The following CASP8 variants were observed in gnomAD, a reference collection of about 807,000 sequenced individuals.
The protein encoded by CASP8 is caspase 8.
CASP8 carries 24 observed loss-of-function variants against 46.3 expected under a neutral mutation model. The observed-to-expected ratio is 0.52, with a 90% CI of 0.38 to 0.73. CASP8 has a LOEUF of 0.73. Ranked by LOEUF, CASP8 falls within the 30% of genes least tolerant of loss-of-function variation. The pLI, the probability that CASP8 is intolerant of heterozygous loss-of-function variation, is 0.00. For synonymous variants in CASP8, 188 were observed against 200.4 expected, an observed-to-expected ratio of 0.94 and a Z score of 0.52; for missense variants, 460 against 559.0, an observed-to-expected ratio of 0.82 and a Z score of 1.79.
At chr2:201,279,415 A>G (rs1948856473) in intron 7 of CASP8, among the ~76,000 whole-genome samples, 1 of 152,224 alleles carries the variant, frequency 6.6e-6, no homozygotes, top group South Asian at 2.1e-4. Flanking sequence ...GTTCCAAGAC[A>G]CTGGCAGCAG....
At chr2:201,239,801 T>G (rs1559328041) in intron 2 of CASP8, among the ~76,000 whole-genome samples, 1 of 152,208 alleles carries the variant, frequency 6.6e-6, no homozygotes, top group African/African-American at 2.4e-5. Context: ...AAGCTCACAC[T>G]GCACCGTAAT....
At chr2:201,260,934 A>T (rs1947343515) in intron 1 of CASP8, among the ~76,000 whole-genome samples, 1 of 152,188 alleles carries the variant, frequency 6.6e-6, no homozygotes, top group African/African-American at 2.4e-5. Flanking sequence ...AAACTTGTGA[A>T]ATAATAGAAG....
In CASP8 at chr2:201,286,662, C is replaced by G; in HGVS notation, c.*68C>G. 2 of 1,406,334 alleles carry G rather than the reference C, an allele frequency of 1.4e-6. No homozygotes were observed. Among genetic ancestry groups the G allele is most frequent in the Middle Eastern group, 3.8e-4 (2 of 5,214 alleles). The allele number at this position is 1,406,334 out of a possible 1,614,324, so 87.1% of individuals were successfully genotyped here. On this transcript the variant is annotated 3_prime_UTR_variant, in exon 9 of 9. Coordinates refer to ENST00000673742, the MANE Select transcript of CASP8 (RefSeq NM_001372051.1). Reference sequence around the variant, plus strand: ...ACAGAATCTCGCTCTGTCGCCCAGGCTGGAGTGCAGTGGCGTGATCTCGGC... The same window carrying G: ...ACAGAATCTCGCTCTGTCGCCCAGGGTGGAGTGCAGTGGCGTGATCTCGGC...
intron 7 of CASP8, chr2:201,277,613 T>A (rs1466934961): frequency 2.8e-6 from 1 of 355,624 alleles, no homozygotes; most frequent in East Asian, 1.1e-4. Context: ...TAACATCAAT[T>A]ATTGATTTGT....
At position 201,285,141 on chromosome 2, in the gene CASP8, G is replaced by A. The variant is rs549753655; in HGVS notation, c.1128G>A (p.Glu376=). The A allele has an allele frequency of 1.2e-6, 2 of 1,614,164 alleles. No individual in the cohort carries two copies. The highest frequency in any genetic ancestry group is 3.3e-5 in the Admixed American group (2 of 60,020). The change falls in exon 8 of 9, where the codon GAG becomes GAA. Residue 376 remains glutamate (E), a synonymous_variant. Coordinates refer to ENST00000673742, the MANE Select transcript of CASP8 (RefSeq NM_001372051.1). ...QKGIPVETDS[E]EQPYLEMDLS... ...GTATACCTGTTGAGACTGATTCAGA[G>A]GAGCAACCCTATTTAGAAATGGATT...
At chr2:201,285,436 T>C (rs1949511814) in intron 8 of CASP8, 119 bp downstream of exon 8, 3 of 1,263,524 alleles carry the variant, frequency 2.4e-6, no homozygotes, top group Admixed American at 1.7e-5. Context: ...TTAGATCACA[T>C]TAACAGGTCA....
At chr2:201,256,609 G>A (rs1216295131), upstream of CASP8, among the ~76,000 whole-genome samples, 1 of 152,210 alleles carries the variant, frequency 6.6e-6, no homozygotes, top group Non-Finnish European at 1.5e-5. Flanking sequence ...GAGAAAGGGA[G>A]TTAGTATGTC....
At chr2:201,256,049 C>T (rs35854221), upstream of CASP8, among the ~76,000 whole-genome samples, 4,645 of 152,288 alleles carry the variant, frequency 0.031, 194 homozygotes, top group African/African-American at 0.092. Context: ...TGAGCCACTG[C>T]ACCCACAGCC....
intron 2 of CASP8, among the ~76,000 whole-genome samples, chr2:201,251,255 C>A (rs1946764114): frequency 1.3e-5 from 2 of 152,144 alleles, no homozygotes; most frequent in South Asian, 4.1e-4. Context: ...CATAAATGTT[C>A]AATTTGGGTA....
intron 2 of CASP8, among the ~76,000 whole-genome samples, chr2:201,246,240 G>C (rs527357811): frequency 6.6e-6 from 1 of 152,118 alleles, no homozygotes; most frequent in East Asian, 1.9e-4. Context: ...GCATGTGTGG[G>C]AATAAAAAGA....
intron 2 of CASP8, among the ~76,000 whole-genome samples, chr2:201,243,080 G>A (rs1306605400): frequency 6.6e-6 from 1 of 152,068 alleles, no homozygotes; most frequent in Non-Finnish European, 1.5e-5. Context: ...GCTGGGGAGG[G>A]GGGAAATGAG....
chr2:201,282,985 G>A (rs1302041613), intron 7 of CASP8, among the ~76,000 whole-genome samples: 8 of 68,102 alleles, frequency 1.2e-4, no homozygotes, highest in East Asian at 9.8e-4. Flanking sequence ...GCGGCTGGCC[G>A]GGCGGGGGGC....
In CASP8 at chr2:201,287,618, A is replaced by G. The variant is rs1949614163; in HGVS notation, c.*1024A>G. Reference sequence around the variant, plus strand: ...TTGCTCTTTCATCTCTGCTTGGATTATTTTAAATCATTAGGAATTAAGTTA... The same window carrying G: ...TTGCTCTTTCATCTCTGCTTGGATTGTTTTAAATCATTAGGAATTAAGTTA... On this transcript the variant is annotated 3_prime_UTR_variant, in exon 9 of 9. Coordinates refer to ENST00000673742, the MANE Select transcript of CASP8 (RefSeq NM_001372051.1). The G allele has an allele frequency of 6.5e-6, 1 of 154,584 alleles. No individual in the cohort carries two copies. The highest frequency in any genetic ancestry group is 1.5e-5 in the Non-Finnish European group (1 of 68,192). 9.6% of individuals were successfully genotyped at this position (154,584 alleles called of 1,614,324 possible).
In CASP8 at chr2:201,271,632, G is replaced by A. The variant is rs1405817300; in HGVS notation, c.411+11G>A. On this transcript the variant is annotated intron_variant, in intron 3 of 8. Coordinates refer to ENST00000673742, the MANE Select transcript of CASP8 (RefSeq NM_001372051.1). ...CTGGATGATGACATGGTAAGACCTG[G>A]TATCTTACTGAGATTTAGTCCTGAG... 1 of 1,453,188 alleles carries A rather than the reference G, an allele frequency of 6.9e-7. No homozygotes were observed. Among genetic ancestry groups the A allele is most frequent in the South Asian group, 1.1e-5 (1 of 87,856 alleles). 90.0% of individuals were successfully genotyped at this position (1,453,188 alleles called of 1,614,324 possible). A position where few individuals can be genotyped will look rare whatever the true frequency, so the allele number is the denominator to read the frequency against.
rs1240169571 is a variant in CASP8 at position 201,287,033 on chromosome 2, C to A, written c.*439C>A. The A allele has an allele frequency of 9.5e-6, 2 of 210,402 alleles. No homozygotes were observed. Among genetic ancestry groups the A allele is most frequent in the African/African-American group, 4.7e-5 (2 of 42,668 alleles). 13.0% of individuals were successfully genotyped at this position (210,402 alleles called of 1,614,324 possible). The stretch of plus-strand genomic sequence containing the variant: ...CTAAAGTTAAATAGGATATTAACAA[C>A]AATAACACTGTCTCCTTTCTCTTAT... On this transcript the variant is annotated 3_prime_UTR_variant, in exon 9 of 9. Coordinates refer to ENST00000673742, the MANE Select transcript of CASP8 (RefSeq NM_001372051.1).
chr2:201,257,367 A>G, upstream of CASP8, among the ~76,000 whole-genome samples: 1 of 151,790 alleles, frequency 6.6e-6, no homozygotes, highest in Non-Finnish European at 1.5e-5. Flanking sequence ...CTGTAGTCCC[A>G]GCTACTCGGG....
intron 7 of CASP8, among the ~76,000 whole-genome samples, chr2:201,281,237 T>C (rs1297372451): frequency 2.6e-5 from 4 of 151,938 alleles, no homozygotes; most frequent in East Asian, 1.9e-4. Context: ...TTGCTTGAAC[T>C]TGGGGGGCAG....
Position 201,251,296 on chromosome 2 carries a change from C to T in CASP8, c.-26-15165C>T, listed in dbSNP as rs556752384. 1.1e-4 allele frequency among the ~76,000 whole-genome samples: 16 copies of T among 152,140 alleles called. No homozygotes were observed. In the South Asian group the frequency reaches 2.5e-3, roughly 24 times the overall value. On this transcript the variant is annotated intron_variant, in intron 2 of 6. Transcript: ENST00000264274. ...CTAGAAACGTGATTGCTGGATCTTG[C>T]GGTAAGCATATGCTTTGGCCAGGCG...
At chr2:201,250,968 T>C (rs1576235796) in intron 2 of CASP8, among the ~76,000 whole-genome samples, 1 of 152,250 alleles carries the variant, frequency 6.6e-6, no homozygotes, top group Non-Finnish European at 1.5e-5. Flanking sequence ...ACTGTCTCTA[T>C]AGTTTTAATC....
Sources: allele counts gnomAD v4.1 joint callset (sites outside exome capture counted in the v4.1 genomes callset), GRCh38; gene constraint gnomAD v4.1.1; transcripts MANE v1.5; gene names NCBI Gene and HGNC (gene_info 2026-07-23, HGNC 2026-07-21).